The following FAM53A variants were observed in gnomAD, a reference collection of about 807,000 sequenced individuals.
The protein encoded by FAM53A is protein FAM53A.
Under a neutral mutation model 26.6 loss-of-function variants are expected in FAM53A, and 28 were observed. The observed-to-expected ratio is 1.05, with a 90% CI of 0.78 to 1.45. The LOEUF (loss-of-function observed/expected upper bound fraction) is 1.45, where lower values mean the gene tolerates loss of function less well. Among genes scored for constraint, FAM53A ranks in the 40% most tolerant of loss-of-function variants. The pLI is 0.00. For synonymous variants in FAM53A, 290 were observed against 253.1 expected (o/e 1.15, Z -1.38); for missense variants, 650 against 575.8 (o/e 1.13, Z -1.32).
intron 4 of FAM53A, among the ~76,000 whole-genome samples, chr4:1,649,259 G>A (rs972570952): frequency 2.6e-5 from 4 of 152,036 alleles, no homozygotes; most frequent in African/African-American, 9.7e-5. Flanking sequence ...GAGAAAGAAA[G>A]AAGGAAACAA....
chr4:1,683,417 G>A (rs1428609452), intron 1 of FAM53A: 1 of 152,064 alleles, frequency 6.6e-6, no homozygotes, highest in African/African-American at 2.4e-5. Flanking sequence ...TTTCTGTTTC[G>A]TTTTAAGACT....
the FAM53A span, among the ~76,000 whole-genome samples, chr4:1,596,395 T>C: frequency 0.012 from 682 of 59,212 alleles, 11 homozygotes; most frequent in African/African-American, 0.056. Flanking sequence ...AGAGATCCAG[T>C]GCGCCCCCAC....
chr4:1,629,126 G>A (rs1240679311), intron 1 of FAM53A, among the ~76,000 whole-genome samples: 2 of 152,028 alleles, frequency 1.3e-5, no homozygotes, highest in East Asian at 3.9e-4. Flanking sequence ...ACCTCGCCCA[G>A]CCCAGCTGGG....
At chr4:1,626,444 T>C (rs9994926) in intron 1 of FAM53A, among the ~76,000 whole-genome samples, 61,961 of 151,938 alleles carry the variant, frequency 0.41, 13,667 homozygotes, top group African/African-American at 0.56. Flanking sequence ...AGCGGGGAAG[T>C]CGGGGAGGAC....
At chr4:1,658,132 T>C (rs1009617064) in intron 2 of FAM53A, among the ~76,000 whole-genome samples, 5 of 151,886 alleles carry the variant, frequency 3.3e-5, no homozygotes, top group African/African-American at 9.7e-5. Flanking sequence ...TGTCTCAGCC[T>C]CCCGAGTAGC....
chr4:1,622,211 C>G (rs1243726499), intron 1 of FAM53A, among the ~76,000 whole-genome samples: 1 of 152,192 alleles, frequency 6.6e-6, no homozygotes, highest in East Asian at 1.9e-4. Flanking sequence ...AGAGGCAGGA[C>G]CCGGAGTCAC....
the FAM53A span, among the ~76,000 whole-genome samples, chr4:1,594,176 C>T: frequency 6.6e-6 from 1 of 152,232 alleles, no homozygotes; most frequent in Non-Finnish European, 1.5e-5. Context: ...CCCTCCTTCC[C>T]TTGGGAGCCA....
the FAM53A span, among the ~76,000 whole-genome samples, chr4:1,584,106 T>C: frequency 6.6e-6 from 1 of 152,242 alleles, no homozygotes; most frequent in Admixed American, 6.5e-5. Flanking sequence ...GATGTTGCGA[T>C]ATCATCTATT....
intron 1 of FAM53A, among the ~76,000 whole-genome samples, chr4:1,671,135 C>T (rs1457950177): frequency 7.1e-6 from 1 of 140,496 alleles, no homozygotes; most frequent in African/African-American, 2.7e-5. Flanking sequence ...ACAGCCACAG[C>T]CATGGCCCGG....
chr4:1,618,918 C>G (rs1409089559), intron 1 of FAM53A, among the ~76,000 whole-genome samples: 1 of 152,190 alleles, frequency 6.6e-6, no homozygotes, highest in Non-Finnish European at 1.5e-5. Flanking sequence ...GCGGCAGCCA[C>G]AAGCTCACCT....
the FAM53A span, among the ~76,000 whole-genome samples, chr4:1,579,476 G>A: frequency 6.6e-6 from 1 of 152,152 alleles, no homozygotes; most frequent in Admixed American, 6.5e-5. Flanking sequence ...CGCGTCCTGG[G>A]GAGGAGGCTT....
At position 1,668,820 on chromosome 4, in the gene FAM53A, T is replaced by C; in HGVS notation, c.-79A>G. On this transcript the variant is annotated 5_prime_UTR_variant, in exon 2 of 5. Transcript: ENST00000308132. ...ATCAGACTTGCGAAGGCCCCAGCAT[T>C]GCTGGGTCAGCCAAATCTCAAGGTC... 1 of 1,408,798 alleles carries C rather than the reference T, an allele frequency of 7.1e-7. No individual in the cohort carries two copies. The highest frequency in any genetic ancestry group is 1.0e-6 in the Non-Finnish European group (1 of 1,001,854). 87.3% of individuals were successfully genotyped at this position (1,408,798 alleles called of 1,614,324 possible). A position where few individuals can be genotyped will look rare whatever the true frequency, so the allele number is the denominator to read the frequency against.
At chr4:1,610,270 CT>C in the FAM53A span, among the ~76,000 whole-genome samples, 1 of 152,068 alleles carries the variant, frequency 6.6e-6, no homozygotes, top group Non-Finnish European at 1.5e-5. Context: ...TTCTCCTCCC[CT>C]GGCCCCCAGA....
chr4:1,646,737 G>T (rs907725805), intron 4 of FAM53A, among the ~76,000 whole-genome samples: 4 of 152,172 alleles, frequency 2.6e-5, no homozygotes, highest in Non-Finnish European at 5.9e-5. Context: ...AGCCCATGAT[G>T]TAACTGCTGG....
At chr4:1,647,335 G>A (rs530511955) in intron 4 of FAM53A, among the ~76,000 whole-genome samples, 5 of 149,886 alleles carry the variant, frequency 3.3e-5, no homozygotes, top group African/African-American at 7.4e-5. Context: ...ACTCCATCTC[G>A]GGAAAAAAAA....
chr4:1,670,565 C>G (rs1714568721), intron 1 of FAM53A, among the ~76,000 whole-genome samples: 1 of 152,224 alleles, frequency 6.6e-6, no homozygotes, highest in Non-Finnish European at 1.5e-5. Context: ...CTGTGCCCGC[C>G]TGGCTCACTG....
At chr4:1,606,447 G>A in the FAM53A span, among the ~76,000 whole-genome samples, 9 of 152,106 alleles carry the variant, frequency 5.9e-5, no homozygotes, top group East Asian at 5.8e-4. Context: ...GGACTGCTAA[G>A]ATAGCCGAGA....
intron 2 of FAM53A, among the ~76,000 whole-genome samples, chr4:1,665,989 C>G: frequency 8.4e-6 from 1 of 118,680 alleles, no homozygotes; most frequent in African/African-American, 3.4e-5. Flanking sequence ...CCTGCACCTG[C>G]ACCCCCTGTA....
intron 2 of FAM53A, among the ~76,000 whole-genome samples, chr4:1,667,936 A>G (rs1377186759): frequency 6.6e-6 from 1 of 152,132 alleles, no homozygotes; most frequent in Non-Finnish European, 1.5e-5. Flanking sequence ...AGGAAAATCA[A>G]GCTGCCCGCA....
Sources: allele counts gnomAD v4.1 joint callset (sites outside exome capture counted in the v4.1 genomes callset), GRCh38; gene constraint gnomAD v4.1.1; transcripts MANE v1.5; gene names NCBI Gene and HGNC (gene_info 2026-07-23, HGNC 2026-07-21).